PPEF1: variants seen among roughly 807,000 people sequenced by gnomAD.
The protein encoded by PPEF1 is serine/threonine-protein phosphatase with EF-hands 1.
Under a neutral mutation model 53.3 loss-of-function variants are expected in PPEF1, and 12 were observed. The ratio of observed to expected loss-of-function variants is 0.23; its 90% confidence interval spans 0.14 to 0.36. PPEF1 has a LOEUF of 0.36. PPEF1 is among the 10% of genes least tolerant of loss of function. The probability of loss-of-function intolerance (pLI) is 1.00; values close to 1 mark genes in which losing one functional copy is unlikely to be tolerated. For missense variants in PPEF1, 334 were observed against 490.4 expected (o/e 0.68, Z 3.01); for synonymous variants, 165 against 176.7 (o/e 0.93, Z 0.52).
In PPEF1 at chrX:18,761,587, AT is replaced by A; in HGVS notation, c.558+15del. On this transcript the variant is annotated intron_variant, in intron 6 of 15. Transcript: ENST00000470157. ...TTGATCTTCTACAAGGTAAATGATG[AT>A]TTTGCTAAATATTAACATTTTTCTT... The A allele has an allele frequency of 8.4e-7, 1 of 1,190,650 alleles. No individual in the cohort carries two copies. Among genetic ancestry groups the A allele is most frequent in the South Asian group, 1.8e-5 (1 of 56,482 alleles).
intron 9 of PPEF1, among the ~76,000 whole-genome samples, chrX:18,787,374 A>AG (rs1351689489): frequency 1.8e-5 from 2 of 110,951 alleles, no homozygotes; most frequent in African/African-American, 3.3e-5. Context: ...GGGCAGGTTG[A>AG]GGGGGGTCAA....
upstream of PPEF1, among the ~76,000 whole-genome samples, chrX:18,679,392 C>T (rs189628026): frequency 2.8e-3 from 308 of 111,942 alleles, 2 homozygotes; most frequent in Middle Eastern, 4.6e-3. Context: ...TTTTCTTTAT[C>T]GCAGATAATG....
chrX:18,712,732 A>G (rs763139229), intron 1 of PPEF1, among the ~76,000 whole-genome samples: 3 of 112,067 alleles, frequency 2.7e-5, no homozygotes, highest in Non-Finnish European at 5.6e-5. Context: ...AGTAAGTCTT[A>G]TATCAGCTGT....
At chrX:18,725,920 C>G (rs1300520476) in intron 1 of PPEF1, among the ~76,000 whole-genome samples, 1 of 110,954 alleles carries the variant, frequency 9.0e-6, no homozygotes, top group East Asian at 2.9e-4. Flanking sequence ...AACAGCAGCT[C>G]CTCCCTTGGA....
intron 2 of PPEF1, 68 bp from the exon 3 acceptor site, chrX:18,733,680 C>T: frequency 1.1e-6 from 1 of 944,086 alleles, no homozygotes; most frequent in Non-Finnish European, 1.5e-6. Flanking sequence ...GGGTGGAACA[C>T]CAACAGCATT....
chrX:18,731,222 A>G (rs2147372058), intron 2 of PPEF1, among the ~76,000 whole-genome samples: 1 of 112,357 alleles, frequency 8.9e-6, no homozygotes, highest in Admixed American at 9.5e-5. Flanking sequence ...GATACACAGG[A>G]AATTGTTTAC....
chrX:18,682,696 T>A (rs1449978793), upstream of PPEF1, among the ~76,000 whole-genome samples: 1 of 111,968 alleles, frequency 8.9e-6, no homozygotes, highest in Non-Finnish European at 1.9e-5. Flanking sequence ...GTCCTAATGA[T>A]CTGTGTCTCA....
intron 6 of PPEF1, among the ~76,000 whole-genome samples, chrX:18,763,235 A>G (rs886385293): frequency 1.8e-5 from 2 of 111,567 alleles, no homozygotes; most frequent in South Asian, 3.8e-4. Flanking sequence ...CTGCTAAATC[A>G]TGGAGGTTTG....
At chrX:18,820,170 A>G (rs1055718635) in intron 13 of PPEF1, among the ~76,000 whole-genome samples, 1 of 112,108 alleles carries the variant, frequency 8.9e-6, no homozygotes, top group African/African-American at 3.2e-5. Flanking sequence ...ATATATTACT[A>G]GAAATAAAAA....
chrX:18,803,465 C>T (rs2046589493), intron 10 of PPEF1, among the ~76,000 whole-genome samples: 1 of 112,342 alleles, frequency 8.9e-6, no homozygotes, highest in African/African-American at 3.2e-5. Context: ...GGCCTGCTCC[C>T]AACAATTTTG....
chrX:18,714,773 C>T (rs972620358), intron 1 of PPEF1, among the ~76,000 whole-genome samples: 4 of 111,965 alleles, frequency 3.6e-5, no homozygotes, highest in African/African-American at 1.3e-4. Flanking sequence ...TTGGCCAGGC[C>T]CTGTAACATA....
At chrX:18,781,476 T>C (rs145235144) in intron 7 of PPEF1, among the ~76,000 whole-genome samples, 1 of 111,071 alleles carries the variant, frequency 9.0e-6, no homozygotes, top group Non-Finnish European at 1.9e-5. Flanking sequence ...CAAGAGAGTT[T>C]ATGGTCACAG....
Position 18,827,548 on chromosome X carries a change from T to C in PPEF1, c.*61T>C. ...AGCTAGGCCCAAATCACAAGTACAG[T>C]CCTTTCCAACACCCCTGAAATTCAT... On this transcript the variant is annotated 3_prime_UTR_variant, in exon 16 of 16. Transcript: ENST00000470157. The C allele has an allele frequency of 1.1e-6, 1 of 943,290 alleles. No individual in the cohort carries two copies. The highest frequency in any genetic ancestry group is 1.5e-6 in the Non-Finnish European group (1 of 668,405). 77.7% of individuals were successfully genotyped at this position (943,290 alleles called of 1,213,427 possible).
chrX:18,697,105 C>G (rs977558419), intron 4 of PPEF1, among the ~76,000 whole-genome samples: 2 of 112,246 alleles, frequency 1.8e-5, no homozygotes, highest in Admixed American at 1.9e-4. Context: ...CCAGGCTTCT[C>G]CATTCCCCTC....
chrX:18,721,279 G>A (rs1040337662), intron 1 of PPEF1, among the ~76,000 whole-genome samples: 1 of 111,828 alleles, frequency 8.9e-6, no homozygotes. Flanking sequence ...GCAAACTTTG[G>A]CTACAATTCC....
chrX:18,749,489 A>C (rs999201730), intron 3 of PPEF1, among the ~76,000 whole-genome samples: 26 of 111,471 alleles, frequency 2.3e-4, no homozygotes, highest in Middle Eastern at 4.2e-3. Flanking sequence ...TAGAGCTTCG[A>C]TCATCCAAAT....
rs59907227 is a variant in PPEF1 at position 18,811,587 on chromosome X, G to GTA, written c.1394+5070_1394+5071dup. Among the ~76,000 whole-genome samples the GTA allele has an allele frequency of 8.0e-3, 350 of 43,921 alleles. 1 individual carries two copies. Among genetic ancestry groups the GTA allele is most frequent in the Non-Finnish European group, 9.0e-3 (211 of 23,384 alleles). 38.1% of individuals were successfully genotyped at this position (43,921 alleles called of 115,157 possible). ...ATTCTATATACACATCACTTATTCA[G>GTA]TATATATATATATATATATATATAT... is the stretch of plus-strand genomic sequence containing the variant. On this transcript the variant is annotated intron_variant, in intron 12 of 15. Coordinates refer to ENST00000470157, the MANE Select transcript of PPEF1 (RefSeq NM_001377996.1).
At chrX:18,711,402 C>T (rs1472589504) in intron 1 of PPEF1, among the ~76,000 whole-genome samples, 3 of 110,326 alleles carry the variant, frequency 2.7e-5, no homozygotes, top group African/African-American at 9.9e-5. Flanking sequence ...CGCTAAAAGC[C>T]CAGACTTCAT....
chrX:18,787,852 CT>C (rs2046239854), intron 9 of PPEF1, among the ~76,000 whole-genome samples: 1 of 111,477 alleles, frequency 9.0e-6, no homozygotes. Flanking sequence ...TGCTCTGCCC[CT>C]AATGGGAACA....
Sources: allele counts gnomAD v4.1 joint callset (sites outside exome capture counted in the v4.1 genomes callset), GRCh38; gene constraint gnomAD v4.1.1; transcripts MANE v1.5; gene names NCBI Gene and HGNC (gene_info 2026-07-23, HGNC 2026-07-21).